MS4A1: variants seen among roughly 807,000 people sequenced by gnomAD.
MS4A1 encodes the protein membrane spanning 4-domains A1, also known as B-lymphocyte antigen CD20.
In MS4A1, 16 loss-of-function variants were observed where a neutral mutation model predicts 26.5. That is an observed-to-expected ratio of 0.60 (90% CI 0.41 to 0.92). The LOEUF (loss-of-function observed/expected upper bound fraction) is 0.92, where lower values mean the gene tolerates loss of function less well. Ranked by LOEUF, MS4A1 falls within the 40% of genes least tolerant of loss-of-function variation. The pLI, the probability that MS4A1 is intolerant of heterozygous loss-of-function variation, is 0.00. For missense variants in MS4A1, 350 were observed against 353.0 expected (o/e 0.99, Z 0.07); for synonymous variants, 128 against 117.6 (o/e 1.09, Z -0.57).
intron 4 of MS4A1, 63 bp downstream of exon 4, chr11:60,463,184 A>G: frequency 6.2e-7 from 1 of 1,603,666 alleles, no homozygotes; most frequent in East Asian, 2.2e-5. Context: ...AAGGCTCCAC[A>G]GGGATATGCC....
intron 1 of MS4A1, among the ~76,000 whole-genome samples, chr11:60,459,207 C>T (rs1207655291): frequency 1.3e-5 from 2 of 152,214 alleles, no homozygotes; most frequent in Non-Finnish European, 2.9e-5. Flanking sequence ...AAAGTTACCC[C>T]TCTGGGGCGG....
At chr11:60,462,669 C>A in intron 3 of MS4A1, 136 bp downstream of exon 3, 1 of 1,176,998 alleles carries the variant, frequency 8.5e-7, no homozygotes, top group Non-Finnish European at 1.2e-6. Flanking sequence ...ATGTCTAACA[C>A]AGTGGGCCAA....
Position 60,462,586 on chromosome 11 carries a change from G to C in MS4A1, c.159+53G>C, listed in dbSNP as rs897126241. The C allele has an allele frequency of 1.9e-6, 3 of 1,607,148 alleles. No individual in the cohort carries two copies. The African/African-American group carries it at 4.0e-5, about 21-fold the overall frequency. On this transcript the variant is annotated intron_variant, in intron 3 of 7. Transcript: ENST00000345732. Reference sequence around the variant, plus strand: ...CGTAGGGATTCTCTGGCTGACAGAAGCTGATGCGGTATAGGCCACATACAG... The same window carrying C: ...CGTAGGGATTCTCTGGCTGACAGAACCTGATGCGGTATAGGCCACATACAG...
At chr11:60,459,031 C>CATTAGTTACA (rs1163272410) in intron 1 of MS4A1, among the ~76,000 whole-genome samples, 11 of 152,126 alleles carry the variant, frequency 7.2e-5, no homozygotes, top group Admixed American at 6.5e-4. Flanking sequence ...TTACAACAGG[C>CATTAGTTACA]ATAGCCCAAG....
chr11:60,463,861 C>T (rs1241826328), intron 4 of MS4A1: 2 of 442,348 alleles, frequency 4.5e-6, no homozygotes, highest in East Asian at 1.4e-4. Flanking sequence ...CAAGTATTTC[C>T]TTCTGCATCA....
chr11:60,463,891 T>C, intron 4 of MS4A1: 1 of 415,256 alleles, frequency 2.4e-6, no homozygotes, highest in South Asian at 1.8e-5. Flanking sequence ...TCAGAGGGCA[T>C]CAGAGTCATT....
At chr11:60,464,160 T>C (rs1267219564) in intron 4 of MS4A1, 128 bp from the exon 5 acceptor site, 2 of 700,906 alleles carry the variant, frequency 2.9e-6, no homozygotes, top group Non-Finnish European at 5.1e-6. Flanking sequence ...TGGATGGTTG[T>C]GTGAAAGTTG....
At chr11:60,460,214 G>A (rs1171224794) in intron 1 of MS4A1, among the ~76,000 whole-genome samples, 5 of 152,090 alleles carry the variant, frequency 3.3e-5, no homozygotes, top group Non-Finnish European at 5.9e-5. Flanking sequence ...ACACTGCACT[G>A]CAGCCTGGGC....
At chr11:60,463,866 G>C in intron 4 of MS4A1, 3 of 440,462 alleles carry the variant, frequency 6.8e-6, no homozygotes, top group South Asian at 4.8e-5. Flanking sequence ...ATTTCCTTCT[G>C]CATCAGTTCA....
Position 60,468,773 on chromosome 11 carries a change from A to AT in MS4A1, c.*314dup, listed in dbSNP as rs34273920. 11,510 of 313,440 alleles carry AT rather than the reference A, an allele frequency of 0.037. 292 individuals are homozygous for AT. Among genetic ancestry groups the AT allele is most frequent in the Admixed American group, 0.13 (2,687 of 20,950 alleles). The allele number at this position is 313,440 out of a possible 1,614,324, so 19.4% of individuals were successfully genotyped here. ...CCTTGGATAGGCTTTTTAGTATAGT[A>AT]TTTTTTTTTGTCATTTTCTCCATCA... On this transcript the variant is annotated 3_prime_UTR_variant, in exon 8 of 8. Coordinates refer to ENST00000345732, the MANE Select transcript of MS4A1 (RefSeq NM_152866.3).
In MS4A1 at chr11:60,462,508, T is replaced by A; in HGVS notation, c.134T>A (p.Phe45Tyr). The change falls in exon 3 of 8, where the codon TTC (phenylalanine) becomes TAC (tyrosine). Residue 45 changes from phenylalanine (F) to tyrosine (Y), a missense_variant. Phe to Tyr is a conservative substitution (Grantham distance 22). Coordinates refer to ENST00000345732, the MANE Select transcript of MS4A1 (RefSeq NM_152866.3). The stretch of plus-strand genomic sequence containing the variant: ...CTGGTGGGCCCCACGCAAAGCTTCT[T>A]CATGAGGGAATCTAAGACTTTGGGG... ...SSLVGPTQSFFMRESKTLGAV... is the reference protein window; with the variant it reads ...SSLVGPTQSFYMRESKTLGAV... 5.6e-6 allele frequency: 9 copies of A among 1,614,174 alleles called. No individual in the cohort carries two copies. Among genetic ancestry groups the A allele is most frequent in the Non-Finnish European group, 7.6e-6 (9 of 1,180,024 alleles).
intron 3 of MS4A1, 40 bp from the exon 4 acceptor site, chr11:60,462,962 G>T (rs2086260639): frequency 1.9e-6 from 3 of 1,610,920 alleles, no homozygotes; most frequent in East Asian, 4.5e-5. Flanking sequence ...TAGCAGTGAT[G>T]ATTTCAGCTC....
chr11:60,456,889 C>T (rs893445871), intron 1 of MS4A1, among the ~76,000 whole-genome samples: 8 of 152,256 alleles, frequency 5.3e-5, no homozygotes, highest in South Asian at 2.1e-4. Flanking sequence ...CCTCGGCTTC[C>T]CAAAGTGCTG....
At chr11:60,460,644 A>G (rs2086240520) in intron 1 of MS4A1, among the ~76,000 whole-genome samples, 1 of 152,202 alleles carries the variant, frequency 6.6e-6, no homozygotes, top group South Asian at 2.1e-4. Context: ...TCCCCAAAAG[A>G]GGGATTTTCA....
rs1367214821 is a variant in MS4A1, at chr11:60,466,146, T to C, written c.562T>C (p.Ser188Pro). The change falls in exon 6 of 8, where the codon TCT becomes CCT. Residue 188 changes from serine to proline, a missense_variant. Ser to Pro is a moderately conservative substitution (Grantham distance 74, BLOSUM62 -1). Transcript: ENST00000345732. ...PSTQYCYSIQ[S>P]LFLGILSVML... ...TACCCAATACTGTTACAGCATACAA[T>C]CTCTGTTCTTGGTAAGTGTTCTTGG... The C allele has an allele frequency of 1.2e-6, 2 of 1,608,414 alleles. No individual in the cohort carries two copies. The highest frequency in any genetic ancestry group is 4.5e-5 in the East Asian group (2 of 44,842).
At chr11:60,463,828 T>C (rs779081512) in intron 4 of MS4A1, 27 of 455,740 alleles carry the variant, frequency 5.9e-5, no homozygotes, top group South Asian at 4.2e-4. Context: ...AATGTTTTCA[T>C]GGAGTGCCTG....
In MS4A1 at chr11:60,464,346, C is replaced by T. The variant is rs1158116985; in HGVS notation, c.336+2C>T. On this transcript the variant is annotated splice_donor_variant, in intron 5 of 7. Coordinates refer to ENST00000345732, the MANE Select transcript of MS4A1 (RefSeq NM_152866.3). LOFTEE classifies it low-confidence loss of function (GC_TO_GT_DONOR). ...GAGAAAAACTCCAGGAAGTGTTTGG[C>T]AAGTAACCATATGTCCTTCTTTCCC... 1.9e-6 allele frequency: 3 copies of T among 1,612,014 alleles called. No individual in the cohort carries two copies. Among genetic ancestry groups the T allele is most frequent in the Middle Eastern group, 1.7e-4 (1 of 6,054 alleles).
rs931285687 is a variant in MS4A1 at position 60,470,063 on chromosome 11, T to C, written c.*1595T>C. ...TCTTTGTGTTCTTTTCTGCAACAGA[T>C]GATTCCAACATGGGTGTTTGTCTAT... is the stretch of plus-strand genomic sequence containing the variant. On this transcript the variant is annotated 3_prime_UTR_variant, in exon 8 of 8. Transcript: ENST00000345732. 1 of 152,122 alleles carries C rather than the reference T, an allele frequency of 6.6e-6. No homozygotes were observed. The highest frequency in any genetic ancestry group is 2.4e-5 in the African/African-American group (1 of 41,468). The allele number at this position is 152,122 out of a possible 1,614,324, so 9.4% of individuals were successfully genotyped here.
intron 5 of MS4A1, 47 bp downstream of exon 5, chr11:60,464,391 A>G (rs201472454): frequency 5.1e-6 from 8 of 1,577,932 alleles, no homozygotes; most frequent in Non-Finnish European, 5.2e-6. Flanking sequence ...AGAAGTACCT[A>G]TTTTTTTCGG....
Sources: allele counts gnomAD v4.1 joint callset (sites outside exome capture counted in the v4.1 genomes callset), GRCh38; gene constraint gnomAD v4.1.1; transcripts MANE v1.5; gene names NCBI Gene and HGNC (gene_info 2026-07-23, HGNC 2026-07-21).